The following RGL1 variants were observed in gnomAD, a reference collection of about 807,000 sequenced individuals.
RGL1 encodes the protein ral guanine nucleotide dissociation stimulator-like 1.
A neutral mutation model predicts 95.2 loss-of-function variants in RGL1; 24 were observed. The ratio of observed to expected loss-of-function variants is 0.25; its 90% CI spans 0.18 to 0.35. RGL1 has a LOEUF of 0.35. Ranked by LOEUF, RGL1 falls within the 10% of genes least tolerant of loss-of-function variation. The pLI is 1.00. For missense variants in RGL1, 715 were observed against 936.3 expected (o/e 0.76, Z 3.08); for synonymous variants, 329 against 344.9 (o/e 0.95, Z 0.51).
chr1:183,882,787 C>T (rs1427455736), intron 5 of RGL1, among the ~76,000 whole-genome samples: 1 of 152,106 alleles, frequency 6.6e-6, no homozygotes, highest in African/African-American at 2.4e-5. Context: ...TGAAGGAAAG[C>T]CACTGTGACT....
intron 2 of RGL1, among the ~76,000 whole-genome samples, chr1:183,749,545 A>G (rs1235924463): frequency 4.6e-5 from 7 of 152,180 alleles, no homozygotes; most frequent in African/African-American, 1.7e-4. Context: ...TAATTGGGGC[A>G]TTTAGTCCAT....
chr1:183,732,902 T>C lies in RGL1; in HGVS notation c.-32-9224T>C, dbSNP rs761219933. Among the ~76,000 whole-genome samples the C allele has an allele frequency of 3.3e-4, 51 of 152,338 alleles. 1 individual carries two copies. Among genetic ancestry groups the C allele is most frequent in the Middle Eastern group, 3.4e-3 (1 of 294 alleles). On this transcript the variant is annotated intron_variant, in intron 1 of 18. Transcript: ENST00000304685. The stretch of plus-strand genomic sequence containing the variant: ...TTTCTAAACATGTTTTGAAAATCCG[T>C]TTGAAATTTGAGAGTAGAATTTGGT...
chr1:183,782,886 G>A (rs2102359009), intron 2 of RGL1, among the ~76,000 whole-genome samples: 1 of 147,614 alleles, frequency 6.8e-6, no homozygotes, highest in South Asian at 2.2e-4. Context: ...AGATCTCACT[G>A]CTTTACAGGG....
At chr1:183,765,298 A>G (rs1658907012) in intron 2 of RGL1, among the ~76,000 whole-genome samples, 1 of 152,234 alleles carries the variant, frequency 6.6e-6, no homozygotes. Context: ...TCCAAATATA[A>G]GAGAAAACAG....
At chr1:183,665,364 TTGTC>T (rs200640259) in intron 1 of RGL1, among the ~76,000 whole-genome samples, 10,433 of 151,948 alleles carry the variant, frequency 0.069, 609 homozygotes, top group African/African-American at 0.16. Flanking sequence ...TGTAATGTCT[TTGTC>T]TGGTTTTGGT....
intron 7 of RGL1, among the ~76,000 whole-genome samples, chr1:183,887,610 C>T (rs1470019925): frequency 6.6e-6 from 1 of 152,106 alleles, no homozygotes; most frequent in Non-Finnish European, 1.5e-5. Context: ...CACGTTGCTA[C>T]CTTCCCCATG....
chr1:183,671,166 G>T (rs1244901254), intron 1 of RGL1, among the ~76,000 whole-genome samples: 1 of 152,102 alleles, frequency 6.6e-6, no homozygotes, highest in African/African-American at 2.4e-5. Context: ...GGGCAAAACT[G>T]CCCCCATGAT....
chr1:183,794,140 A>G (rs966849229), intron 2 of RGL1, among the ~76,000 whole-genome samples: 5 of 152,012 alleles, frequency 3.3e-5, no homozygotes, highest in African/African-American at 4.8e-5. Context: ...ATTTGCAGCA[A>G]TGTGGATGGA....
rs1393232567 is a variant in RGL1, at chr1:183,926,551, CAT to C, written c.*266_*267del. The C allele has an allele frequency of 1.8e-5, 5 of 271,586 alleles. No individual in the cohort carries two copies. The highest frequency in any genetic ancestry group is 1.1e-4 in the African/African-American group (5 of 44,954). The allele number at this position is 271,586 out of a possible 1,614,324, so 16.8% of individuals were successfully genotyped here. On this transcript the variant is annotated 3_prime_UTR_variant, in exon 18 of 18. Coordinates refer to ENST00000360851, the MANE Select transcript of RGL1 (RefSeq NM_001297671.3). ...AATGCAGAATTACCAACATTTAAAA[CAT>C]ATATATGCACATGTATTTGGTATGC...
intron 2 of RGL1, among the ~76,000 whole-genome samples, chr1:183,826,279 CTA>C (rs1662850167): frequency 6.6e-6 from 1 of 152,108 alleles, no homozygotes; most frequent in African/African-American, 2.4e-5. Flanking sequence ...GGCCCTGTCT[CTA>C]TTTTTTAAAT....
intron 16 of RGL1, among the ~76,000 whole-genome samples, chr1:183,918,266 A>AG (rs1216438056): frequency 6.6e-6 from 1 of 152,142 alleles, no homozygotes; most frequent in African/African-American, 2.4e-5. Flanking sequence ...CAAACCCCAC[A>AG]GGGGGGACGT....
intron 1 of RGL1, among the ~76,000 whole-genome samples, chr1:183,711,227 T>C (rs187157264): frequency 1.3e-5 from 2 of 152,312 alleles, no homozygotes; most frequent in Non-Finnish European, 2.9e-5. Flanking sequence ...CTCTGCACTC[T>C]ACTTTTGCAC....
chr1:183,828,501 G>T (rs754894546), intron 2 of RGL1, among the ~76,000 whole-genome samples: 1 of 152,190 alleles, frequency 6.6e-6, no homozygotes. Context: ...CTACTCGGCC[G>T]TCTGGTGCTG....
intron 4 of RGL1, among the ~76,000 whole-genome samples, chr1:183,873,827 G>C (rs1666325884): frequency 6.6e-6 from 1 of 152,194 alleles, no homozygotes; most frequent in East Asian, 1.9e-4. Flanking sequence ...TTTTCCTGGG[G>C]AAGGAGATGG....
intron 2 of RGL1, among the ~76,000 whole-genome samples, chr1:183,797,190 G>T (rs1311451671): frequency 2.6e-5 from 4 of 152,150 alleles, no homozygotes; most frequent in Non-Finnish European, 4.4e-5. Context: ...TTAGCCGGGC[G>T]TGGTGGTGGG....
chr1:183,722,435 AC>A, intron 1 of RGL1, among the ~76,000 whole-genome samples: 1 of 152,208 alleles, frequency 6.6e-6, no homozygotes, highest in East Asian at 1.9e-4. Context: ...TAATGACCAA[AC>A]ATCTTTCATA....
chr1:183,923,540 C>T (rs1163944231), intron 17 of RGL1, among the ~76,000 whole-genome samples: 1 of 152,048 alleles, frequency 6.6e-6, no homozygotes, highest in East Asian at 1.9e-4. Context: ...TCTAAAGGTC[C>T]AGGAGTCTCG....
intron 1 of RGL1, among the ~76,000 whole-genome samples, chr1:183,667,312 T>C (rs1652107843): frequency 6.6e-6 from 1 of 152,174 alleles, no homozygotes; most frequent in Non-Finnish European, 1.5e-5. Context: ...ATTTAGATCA[T>C]TGATTTATTT....
Position 183,805,256 on chromosome 1 carries a change from G to A in RGL1, c.-42G>A. 1 of 1,608,428 alleles carries A rather than the reference G, an allele frequency of 6.2e-7. No homozygotes were observed. Among genetic ancestry groups the A allele is most frequent in the Non-Finnish European group, 8.5e-7 (1 of 1,178,006 alleles). On this transcript the variant is annotated 5_prime_UTR_variant, in exon 1 of 18. Coordinates refer to ENST00000360851, the MANE Select transcript of RGL1 (RefSeq NM_001297671.3). Reference sequence around the variant, plus strand: ...AGACATTGCGTTGGCCTCCGAGCAGGGCGCATCATGCAGCGTTCGCGCACC... The same window carrying A: ...AGACATTGCGTTGGCCTCCGAGCAGAGCGCATCATGCAGCGTTCGCGCACC...
Sources: allele counts gnomAD v4.1 joint callset (sites outside exome capture counted in the v4.1 genomes callset), GRCh38; gene constraint gnomAD v4.1.1; transcripts MANE v1.5; gene names NCBI Gene and HGNC (gene_info 2026-07-23, HGNC 2026-07-21).